The following TPST1 variants were observed in gnomAD, a reference collection of about 807,000 sequenced individuals.
TPST1 encodes protein-tyrosine sulfotransferase 1.
A neutral mutation model predicts 34.8 loss-of-function variants in TPST1; 20 were observed. The observed-to-expected ratio is 0.57, with a 90% CI of 0.40 to 0.84. TPST1 has a LOEUF of 0.84. TPST1 is among the 40% of genes least tolerant of loss of function. The pLI, the probability that TPST1 is intolerant of heterozygous loss-of-function variation, is 0.00. For missense variants in TPST1, 353 were observed against 455.5 expected, an observed-to-expected ratio of 0.78 and a Z score of 2.05; for synonymous variants, 152 against 159.4, an observed-to-expected ratio of 0.95 and a Z score of 0.35.
chr7:66,219,928 T>C (rs1449701128), intron 1 of TPST1, among the ~76,000 whole-genome samples: 1 of 152,074 alleles, frequency 6.6e-6, no homozygotes, highest in African/African-American at 2.4e-5. Flanking sequence ...GTTGCAGCAA[T>C]GTAAGGGATT....
At chr7:66,327,245 G>C (rs1791885665) in intron 3 of TPST1, among the ~76,000 whole-genome samples, 1 of 152,156 alleles carries the variant, frequency 6.6e-6, no homozygotes, top group Non-Finnish European at 1.5e-5. Flanking sequence ...ATGAAAGTTT[G>C]TCAGAAACTA....
intron 1 of TPST1, among the ~76,000 whole-genome samples, chr7:66,236,211 A>G (rs992558702): frequency 1.3e-5 from 2 of 152,114 alleles, no homozygotes; most frequent in South Asian, 2.1e-4. Flanking sequence ...TTTCACAAGT[A>G]TGAGGGTGTA....
chr7:66,212,831 G>C (rs573615106), intron 1 of TPST1, among the ~76,000 whole-genome samples: 8 of 152,200 alleles, frequency 5.3e-5, no homozygotes, highest in African/African-American at 1.9e-4. Context: ...TTTTTCTTAA[G>C]ATTTTGTCAG....
chr7:66,318,069 G>T (rs1562842272), intron 3 of TPST1, among the ~76,000 whole-genome samples: 1 of 152,126 alleles, frequency 6.6e-6, no homozygotes, highest in Non-Finnish European at 1.5e-5. Flanking sequence ...TGAGTCAGGA[G>T]AATCGCTTGA....
At chr7:66,267,723 T>G (rs1790619529) in intron 2 of TPST1, among the ~76,000 whole-genome samples, 1 of 152,208 alleles carries the variant, frequency 6.6e-6, no homozygotes, top group South Asian at 2.1e-4. Flanking sequence ...CAGTTATTCA[T>G]TTATTCAACA....
At chr7:66,347,570 G>C (rs1347064761) in intron 3 of TPST1, among the ~76,000 whole-genome samples, 1 of 152,012 alleles carries the variant, frequency 6.6e-6, no homozygotes, top group African/African-American at 2.4e-5. Flanking sequence ...TGCTGTTTTG[G>C]TTACTATAAC....
chr7:66,215,443 C>T (rs1174761112), intron 1 of TPST1, among the ~76,000 whole-genome samples: 3 of 150,592 alleles, frequency 2.0e-5, no homozygotes, highest in Non-Finnish European at 3.0e-5. Flanking sequence ...GGCGCGATCT[C>T]GGCTCGCTGC....
chr7:66,300,122 C>G (rs1202132107), intron 3 of TPST1, among the ~76,000 whole-genome samples: 1 of 152,126 alleles, frequency 6.6e-6, no homozygotes. Context: ...AATCATTTTG[C>G]TGGTGGAGAC....
chr7:66,342,787 T>C (rs138393494), intron 3 of TPST1, among the ~76,000 whole-genome samples: 419 of 152,260 alleles, frequency 2.8e-3, no homozygotes, highest in Non-Finnish European at 4.3e-3. Context: ...ACTATAGTTA[T>C]AGAGTAAGAA....
At chr7:66,224,608 G>A (rs2116308008) in intron 1 of TPST1, among the ~76,000 whole-genome samples, 1 of 152,314 alleles carries the variant, frequency 6.6e-6, no homozygotes, top group East Asian at 1.9e-4. Context: ...CTGTGTGTGT[G>A]CACTGGGTGT....
At chr7:66,276,893 G>A (rs1232577027) in intron 2 of TPST1, among the ~76,000 whole-genome samples, 2 of 151,744 alleles carry the variant, frequency 1.3e-5, no homozygotes, top group Non-Finnish European at 2.9e-5. Flanking sequence ...ATACTTTTTT[G>A]TCACTCATTT....
chr7:66,353,056 T>G lies in TPST1; in HGVS notation c.1095+501T>G, dbSNP rs904852826. ...TAAAGCCAGCATGGTGGCTCATGCC[T>G]GTAATCCCAGCAATTTGTGAGACCG... On this transcript the variant is annotated intron_variant, in intron 4 of 5. Transcript: ENST00000304842. 10 of 963,746 alleles carry G rather than the reference T, an allele frequency of 1.0e-5. No homozygotes were observed. The African/African-American group carries it at 1.6e-4, about 15-fold the overall frequency. The allele number at this position is 963,746 out of a possible 1,614,324, so 59.7% of individuals were successfully genotyped here.
upstream of TPST1, among the ~76,000 whole-genome samples, chr7:66,204,114 T>A (rs1584127550): frequency 6.6e-6 from 1 of 151,436 alleles, no homozygotes; most frequent in South Asian, 2.1e-4. Context: ...GAGGTGGAGG[T>A]TGCAGTGAGC....
At chr7:66,224,907 T>C (rs1290753214) in intron 1 of TPST1, among the ~76,000 whole-genome samples, 1,404 of 97,396 alleles carry the variant, frequency 0.014, 18 homozygotes, top group Non-Finnish European at 0.024. Flanking sequence ...TATTCTTTTT[T>C]TTTTTTTTTT....
At chr7:66,203,727 C>A (rs557430431), upstream of TPST1, among the ~76,000 whole-genome samples, 1 of 151,840 alleles carries the variant, frequency 6.6e-6, no homozygotes, top group African/African-American at 2.4e-5. Flanking sequence ...CCTTGTGATC[C>A]GCCCACCTCG....
intron 3 of TPST1, among the ~76,000 whole-genome samples, chr7:66,339,176 G>A (rs569422134): frequency 1.3e-5 from 2 of 152,010 alleles, no homozygotes; most frequent in African/African-American, 4.8e-5. Flanking sequence ...GACATTGTAA[G>A]TGATACCACC....
chr7:66,203,005 G>C (rs562774274), upstream of TPST1, among the ~76,000 whole-genome samples: 90 of 152,236 alleles, frequency 5.9e-4, no homozygotes, highest in African/African-American at 2.1e-3. Context: ...GAACTCGGGA[G>C]GCGGAGGTTG....
intron 1 of TPST1, among the ~76,000 whole-genome samples, chr7:66,222,330 G>C: frequency 6.6e-6 from 1 of 151,598 alleles, no homozygotes; most frequent in Admixed American, 6.6e-5. Context: ...AGCTTGCAGT[G>C]AGCTGAGATC....
chr7:66,333,888 G>A (rs999284576), intron 3 of TPST1, among the ~76,000 whole-genome samples: 6 of 152,242 alleles, frequency 3.9e-5, no homozygotes, highest in Admixed American at 6.5e-5. Context: ...TTCAGAGGCC[G>A]CCAAACTAGC....
Sources: gnomAD v4.1 joint callset for allele counts (sites outside exome capture counted in the v4.1 genomes callset) on GRCh38, gnomAD v4.1.1 for gene constraint, MANE v1.5 for transcripts, NCBI Gene and HGNC (gene_info 2026-07-23, HGNC 2026-07-21) for gene names.